The following ATXN10 variants were observed in gnomAD, a reference collection of about 807,000 sequenced individuals.
The protein encoded by ATXN10 is ataxin-10.
ATXN10 carries 28 observed loss-of-function variants against 52.9 expected under a neutral mutation model. The observed-to-expected ratio is 0.53, with a 90% CI of 0.39 to 0.73. ATXN10 has a LOEUF of 0.73. ATXN10 is among the 30% of genes least tolerant of loss of function. The pLI, the probability that ATXN10 is intolerant of heterozygous loss-of-function variation, is 0.00. For synonymous variants in ATXN10, 226 were observed against 221.5 expected, an observed-to-expected ratio of 1.02 and a Z score of -0.18; for missense variants, 565 against 577.0, an observed-to-expected ratio of 0.98 and a Z score of 0.21.
rs1310189938 is a variant in ATXN10, at chr22:45,759,700, C to G, written c.1173+19162C>G. Among the ~76,000 whole-genome samples the G allele has an allele frequency of 6.6e-6, 1 of 152,110 alleles. No individual in the cohort carries two copies. Among genetic ancestry groups the G allele is most frequent in the East Asian group, 1.9e-4 (1 of 5,194 alleles). On this transcript the variant is annotated intron_variant, in intron 9 of 11. Transcript: ENST00000252934. This position sits in a 1 kb window ranked among gnomAD's most constrained non-coding sequence, Gnocchi z 5.4. The stretch of plus-strand genomic sequence containing the variant: ...AGCTCCTCCCTCCCAGCCACCCTGC[C>G]CTTCATAAAGCTCTAGTTTTGTAGG...
At chr22:45,679,335 TTTAA>T (rs957509541) in intron 1 of ATXN10, 1 of 152,242 alleles carries the variant, frequency 6.6e-6, no homozygotes, top group Non-Finnish European at 1.5e-5. Flanking sequence ...CAAGAAAGAC[TTTAA>T]TTAGGAGGGG....
In ATXN10 at chr22:45,683,506, C is replaced by T. The variant is rs1313088189; in HGVS notation, c.117-6206C>T. On this transcript the variant is annotated intron_variant, in intron 1 of 11. Coordinates refer to ENST00000252934, the MANE Select transcript of ATXN10 (RefSeq NM_013236.4). This position sits in a 1 kb window ranked among gnomAD's most constrained non-coding sequence, Gnocchi z 4.8. ...TGTGACGTGCTCTGTATGCCTTTGC[C>T]TCTAGTCCAAGCTCTTCTCCCAGCA... Among the ~76,000 whole-genome samples, 1 of 152,156 alleles carries T rather than the reference C, an allele frequency of 6.6e-6. No individual in the cohort carries two copies. Among genetic ancestry groups the T allele is most frequent in the Non-Finnish European group, 1.5e-5 (1 of 68,022 alleles).
rs889512639 is a variant in ATXN10, at chr22:45,728,285, A to G, written c.729-1140A>G. Reference sequence around the variant, plus strand: ...GCCTCAATTTATTTTTAAAGATTATATATAAATAAGGGAAAACAGAAATTC... The same window carrying G: ...GCCTCAATTTATTTTTAAAGATTATGTATAAATAAGGGAAAACAGAAATTC... On this transcript the variant is annotated intron_variant, in intron 6 of 11. Transcript: ENST00000252934. The surrounding 1 kb of genome is among the most constrained non-coding windows in gnomAD (Gnocchi z 4.3). Among the ~76,000 whole-genome samples the G allele has an allele frequency of 2.6e-5, 4 of 152,208 alleles. No homozygotes were observed. Among genetic ancestry groups the G allele is most frequent in the Non-Finnish European group, 1.5e-5 (1 of 68,046 alleles).
chr22:45,682,464 C>T (rs1922964377), intron 1 of ATXN10, among the ~76,000 whole-genome samples: 1 of 151,952 alleles, frequency 6.6e-6, no homozygotes. Context: ...TCCACCACCA[C>T]ACCCGGCTAT....
chr22:45,754,706 T>G lies in ATXN10; in HGVS notation c.1173+14168T>G, dbSNP rs544933788. 8.5e-5 allele frequency among the ~76,000 whole-genome samples: 13 copies of G among 152,250 alleles called. No homozygotes were observed. Among genetic ancestry groups the G allele is most frequent in the African/African-American group, 2.9e-4 (12 of 41,548 alleles). On this transcript the variant is annotated intron_variant, in intron 9 of 11. Transcript: ENST00000252934. This position sits in a 1 kb window ranked among gnomAD's most constrained non-coding sequence, Gnocchi z 5.4. Reference sequence around the variant, plus strand: ...CGACTCTACTAAAAATACAAAAAAATTAGCCAGATATGGTGGCTCATGCCT... The same window carrying G: ...CGACTCTACTAAAAATACAAAAAAAGTAGCCAGATATGGTGGCTCATGCCT...
At chr22:45,746,247 G>C (rs1326864189) in intron 9 of ATXN10, among the ~76,000 whole-genome samples, 1 of 149,864 alleles carries the variant, frequency 6.7e-6, no homozygotes, top group Non-Finnish European at 1.5e-5. Flanking sequence ...TTTTTGGTGG[G>C]GTGTACTATT....
rs1927344523 is a variant in ATXN10, at chr22:45,787,035, TG to T, written c.1174-19922del. Among the ~76,000 whole-genome samples, 1 of 152,236 alleles carries T rather than the reference TG, an allele frequency of 6.6e-6. No individual in the cohort carries two copies. Among genetic ancestry groups the T allele is most frequent in the Non-Finnish European group, 1.5e-5 (1 of 68,040 alleles). Reference sequence around the variant, plus strand: ...ATGTCCTGAAATGTTCAGTAAATTATGGTAGGTTATAGTGACTGAATAGAAT... The same window carrying T: ...ATGTCCTGAAATGTTCAGTAAATTATGTAGGTTATAGTGACTGAATAGAAT... On this transcript the variant is annotated intron_variant, in intron 9 of 11. Coordinates refer to ENST00000252934, the MANE Select transcript of ATXN10 (RefSeq NM_013236.4). This position sits in a 1 kb window ranked among gnomAD's most constrained non-coding sequence, Gnocchi z 4.2.
chr22:45,764,078 C>T (rs1926496211), intron 9 of ATXN10, among the ~76,000 whole-genome samples: 1 of 152,224 alleles, frequency 6.6e-6, no homozygotes, highest in South Asian at 2.1e-4. Context: ...GCTTGAAATC[C>T]TTCCTCACGG....
Position 45,835,013 on chromosome 22 carries a change from G to T in ATXN10, c.1238-7978G>T, listed in dbSNP as rs1027934214. The stretch of plus-strand genomic sequence containing the variant: ...GGGGCTGCCAGACTGTGACTGCTTC[G>T]TACCACGCTTTGCTTTGAAGTGGTC... On this transcript the variant is annotated intron_variant, in intron 10 of 11. Coordinates refer to ENST00000252934, the MANE Select transcript of ATXN10 (RefSeq NM_013236.4). The surrounding 1 kb of genome is among the most constrained non-coding windows in gnomAD (Gnocchi z 5.0). Among the ~76,000 whole-genome samples, 1 of 152,168 alleles carries T rather than the reference G, an allele frequency of 6.6e-6. No homozygotes were observed. Among genetic ancestry groups the T allele is most frequent in the African/African-American group, 2.4e-5 (1 of 41,446 alleles).
At chr22:45,713,870 G>T (rs1437886754) in intron 5 of ATXN10, among the ~76,000 whole-genome samples, 1 of 151,992 alleles carries the variant, frequency 6.6e-6, no homozygotes, top group Non-Finnish European at 1.5e-5. Context: ...AATATACCAG[G>T]ATTTATTTCA....
intron 1 of ATXN10, chr22:45,673,072 G>A (rs1458502935): frequency 6.6e-6 from 1 of 152,234 alleles, no homozygotes; most frequent in Non-Finnish European, 1.5e-5. Context: ...TGGTGATAGT[G>A]TCATAAGGAG....
In ATXN10 at chr22:45,768,538, A is replaced by T. The variant is rs1195870058; in HGVS notation, c.1173+28000A>T. Among the ~76,000 whole-genome samples, 4 of 152,230 alleles carry T rather than the reference A, an allele frequency of 2.6e-5. No homozygotes were observed. The South Asian group carries it at 8.3e-4, about 31-fold the overall frequency. On this transcript the variant is annotated intron_variant, in intron 9 of 11. Transcript: ENST00000252934. ...TTTCTTGCTAAAACAAATTAATTGC[A>T]ACCAAATCAAACCTCTAGATCTAAC...
Position 45,769,724 on chromosome 22 carries a change from C to G in ATXN10, c.1173+29186C>G, listed in dbSNP as rs1336255393. 6.6e-6 allele frequency among the ~76,000 whole-genome samples: 1 copy of G among 152,174 alleles called. No individual in the cohort carries two copies. Among genetic ancestry groups the G allele is most frequent in the African/African-American group, 2.4e-5 (1 of 41,434 alleles). ...GGCATCTTCCTGGCCAGGAGCCAGGCCTCTTTTCTCTTGCCTTCTCGAGTA... is the reference window on the plus strand; with the variant it reads ...GGCATCTTCCTGGCCAGGAGCCAGGGCTCTTTTCTCTTGCCTTCTCGAGTA... On this transcript the variant is annotated intron_variant, in intron 9 of 11. Transcript: ENST00000252934. The surrounding 1 kb of genome is among the most constrained non-coding windows in gnomAD (Gnocchi z 4.2).
intron 9 of ATXN10, among the ~76,000 whole-genome samples, chr22:45,788,450 A>G (rs1206129508): frequency 6.6e-6 from 1 of 150,940 alleles, no homozygotes; most frequent in Non-Finnish European, 1.5e-5. Flanking sequence ...TTTACCATGT[A>G]TCTCGTATCC....
chr22:45,680,880 C>G (rs1189688970), intron 1 of ATXN10, among the ~76,000 whole-genome samples: 1 of 152,162 alleles, frequency 6.6e-6, no homozygotes, highest in Non-Finnish European at 1.5e-5. Flanking sequence ...CATTCATCTT[C>G]TTGATCTAAA....
rs1464341178 is a variant in ATXN10, at chr22:45,732,518, G to C, written c.894+2928G>C. Among the ~76,000 whole-genome samples, 1 of 151,476 alleles carries C rather than the reference G, an allele frequency of 6.6e-6. No homozygotes were observed. The highest frequency in any genetic ancestry group is 1.5e-5 in the Non-Finnish European group (1 of 67,926). On this transcript the variant is annotated intron_variant, in intron 7 of 11. Transcript: ENST00000252934. This position sits in a 1 kb window ranked among gnomAD's most constrained non-coding sequence, Gnocchi z 4.5. The stretch of plus-strand genomic sequence containing the variant: ...GCAAAGCCAAATTAATTTACTTTTG[G>C]AAGTTTATTGAGCTATACATTTATG...
chr22:45,742,976 T>C (rs1925594617), intron 9 of ATXN10, among the ~76,000 whole-genome samples: 1 of 152,250 alleles, frequency 6.6e-6, no homozygotes, highest in South Asian at 2.1e-4. Flanking sequence ...CTTTTGTTGC[T>C]AATTTGGACT....
chr22:45,762,196 C>T lies in ATXN10; in HGVS notation c.1173+21658C>T, dbSNP rs189655833. ...TCAGTCTCTGTCCCCTGTGCGTTTCCGAGACTGTGTTTCTATTTATTTGCC... is the reference window on the plus strand; with the variant it reads ...TCAGTCTCTGTCCCCTGTGCGTTTCTGAGACTGTGTTTCTATTTATTTGCC... On this transcript the variant is annotated intron_variant, in intron 9 of 11. Coordinates refer to ENST00000252934, the MANE Select transcript of ATXN10 (RefSeq NM_013236.4). This position sits in a 1 kb window ranked among gnomAD's most constrained non-coding sequence, Gnocchi z 4.3. 4.2e-4 allele frequency among the ~76,000 whole-genome samples: 64 copies of T among 152,266 alleles called. No homozygotes were observed. Among genetic ancestry groups the T allele is most frequent in the African/African-American group, 1.2e-3 (51 of 41,546 alleles).
rs1455435331 is a variant in ATXN10, at chr22:45,781,408, A to C, written c.1174-25551A>C. The stretch of plus-strand genomic sequence containing the variant: ...CCCCTCTCTCCCCGGGTGTCAAAGG[A>C]GGTTGAGTGAGGGACCTAGATCTTC... On this transcript the variant is annotated intron_variant, in intron 9 of 11. Coordinates refer to ENST00000252934, the MANE Select transcript of ATXN10 (RefSeq NM_013236.4). The surrounding 1 kb of genome is among the most constrained non-coding windows in gnomAD (Gnocchi z 4.2). 6.6e-6 allele frequency among the ~76,000 whole-genome samples: 1 copy of C among 152,140 alleles called. No homozygotes were observed. The highest frequency in any genetic ancestry group is 2.4e-5 in the African/African-American group (1 of 41,410).
Sources: allele counts gnomAD v4.1 joint callset (sites outside exome capture counted in the v4.1 genomes callset), GRCh38; gene constraint gnomAD v4.1.1; non-coding constraint Gnocchi (gnomAD v3.1); transcripts MANE v1.5; gene names NCBI Gene and HGNC (gene_info 2026-07-23, HGNC 2026-07-21).